The following EHD4 variants were observed in gnomAD, a reference collection of about 807,000 sequenced individuals.
The protein encoded by EHD4 is EH domain-containing protein 4.
In EHD4, 37 loss-of-function variants were observed where a neutral mutation model predicts 51.0. The ratio of observed to expected loss-of-function variants is 0.73; its 90% CI spans 0.56 to 0.95. EHD4 has a LOEUF of 0.95. Among genes scored for constraint, EHD4 ranks in the 40% least tolerant of loss-of-function variants. The pLI is 0.00. For synonymous variants in EHD4, 297 were observed against 317.3 expected, an observed-to-expected ratio of 0.94 and a Z score of 0.68; for missense variants, 632 against 733.1, an observed-to-expected ratio of 0.86 and a Z score of 1.59.
chr15:41,943,348 C>T (rs1191035719), intron 2 of EHD4, among the ~76,000 whole-genome samples, 184 bp from the exon 3 acceptor site: 1 of 152,142 alleles, frequency 6.6e-6, no homozygotes, highest in Non-Finnish European at 1.5e-5. Context: ...AGATTGATAG[C>T]ACCTCCATCC....
In EHD4 at chr15:41,919,264, C is replaced by T; in HGVS notation, c.870G>A (p.Gln290=). Residue 290 remains glutamine (Q), a synonymous_variant, in exon 4 of 6, where the codon CAG becomes CAA. Transcript: ENST00000220325. ...DLFRDIQSLP[Q]KAAVRKLNDL... ...CGTTGAGCTTGCGCACCGCTGCCTT[C>T]TGGGGGAGGCTCTGGATGTCTCTAA... 10 of 1,614,154 alleles carry T rather than the reference C, an allele frequency of 6.2e-6. No individual in the cohort carries two copies. Among genetic ancestry groups the T allele is most frequent in the Non-Finnish European group, 8.5e-6 (10 of 1,180,046 alleles).
chr15:41,972,355 T>C lies in EHD4; in HGVS notation c.140A>G (p.Glu47Gly), dbSNP rs745610526. 5 of 1,611,290 alleles carry C rather than the reference T, an allele frequency of 3.1e-6. No homozygotes were observed. The African/African-American group carries it at 4.0e-5, about 13-fold the overall frequency. The change falls in exon 1 of 6, where the codon GAG becomes GGG. Residue 47 changes from glutamate to glycine, a missense_variant. Glu to Gly is a moderately conservative substitution (Grantham distance 98). Coordinates refer to ENST00000220325, the MANE Select transcript of EHD4 (RefSeq NM_139265.4). ...GTCCTCCAGCGCAGGCGAGTGGAACTCGTGGAAGCGGTACGCCTCCTCCAG... is the reference window on the plus strand; with the variant it reads ...GTCCTCCAGCGCAGGCGAGTGGAACCCGTGGAAGCGGTACGCCTCCTCCAG... Reference protein sequence around the residue: ...LPLEEAYRFHEFHSPALEDAD... With the variant: ...LPLEEAYRFHGFHSPALEDAD...
chr15:41,967,229 T>C (rs1312715343), intron 1 of EHD4, among the ~76,000 whole-genome samples: 1 of 152,166 alleles, frequency 6.6e-6, no homozygotes, highest in Non-Finnish European at 1.5e-5. Flanking sequence ...TCTCTGCTCA[T>C]TCCTCAGGGC....
chr15:41,956,324 A>G (rs550808992), intron 1 of EHD4, among the ~76,000 whole-genome samples: 1 of 150,798 alleles, frequency 6.6e-6, no homozygotes, highest in African/African-American at 2.4e-5. Flanking sequence ...GGCCAGGAGG[A>G]GGCCCTTCAG....
chr15:41,926,146 C>G (rs1049615910), intron 3 of EHD4: 13 of 152,162 alleles, frequency 8.5e-5, no homozygotes, highest in African/African-American at 3.1e-4. Flanking sequence ...TACTTGAGCT[C>G]AGGAGTTTGA....
intron 1 of EHD4, among the ~76,000 whole-genome samples, chr15:41,957,672 G>A (rs2067896492): frequency 6.6e-6 from 1 of 152,150 alleles, no homozygotes; most frequent in African/African-American, 2.4e-5. Flanking sequence ...CCATCACCCT[G>A]GGGTCCTACA....
intron 3 of EHD4, among the ~76,000 whole-genome samples, chr15:41,933,131 G>A (rs553271825): frequency 1.2e-4 from 18 of 152,214 alleles, no homozygotes; most frequent in South Asian, 4.1e-4. Flanking sequence ...CCACAGGAGT[G>A]TGCCTGCATC....
intron 2 of EHD4, among the ~76,000 whole-genome samples, chr15:41,951,553 G>A (rs765302677): frequency 2.0e-5 from 3 of 151,888 alleles, no homozygotes; most frequent in Non-Finnish European, 4.4e-5. Flanking sequence ...TCTCCCTTGT[G>A]AATTCAGACT....
At chr15:41,948,683 C>CT in intron 2 of EHD4, among the ~76,000 whole-genome samples, 1 of 152,248 alleles carries the variant, frequency 6.6e-6, no homozygotes, top group South Asian at 2.1e-4. Flanking sequence ...ATGCTGTGAA[C>CT]TTTAGTAAGT....
rs191715249 is a variant in EHD4, at chr15:41,970,035, C to T, written c.236+2224G>A. Among the ~76,000 whole-genome samples, 160 of 152,314 alleles carry T rather than the reference C, an allele frequency of 1.1e-3. 1 individual carries two copies. The highest frequency in any genetic ancestry group is 3.7e-3 in the African/African-American group (152 of 41,564). ...CTAAGGCAGGATCCAGGATGCTCAG[C>T]ACCCTGGGCCAACCCTTCCGCTCAA... On this transcript the variant is annotated intron_variant, in intron 1 of 5. Coordinates refer to ENST00000220325, the MANE Select transcript of EHD4 (RefSeq NM_139265.4).
At chr15:41,964,970 C>T (rs1480305866) in intron 1 of EHD4, among the ~76,000 whole-genome samples, 1 of 152,010 alleles carries the variant, frequency 6.6e-6, no homozygotes, top group African/African-American at 2.4e-5. Context: ...ATGGGGCTCA[C>T]CATGTTGCCC....
At chr15:41,924,350 C>A (rs28396848) in intron 3 of EHD4, among the ~76,000 whole-genome samples, 28,622 of 152,212 alleles carry the variant, frequency 0.19, 2,931 homozygotes, top group Middle Eastern at 0.38. Context: ...CCATCACTTA[C>A]TAATTCTGCG....
At chr15:41,922,519 C>T (rs559843014) in intron 3 of EHD4, among the ~76,000 whole-genome samples, 1 of 152,346 alleles carries the variant, frequency 6.6e-6, no homozygotes, top group Non-Finnish European at 1.5e-5. Flanking sequence ...AACACAGCTG[C>T]TGCTGCTAGC....
chr15:41,945,241 CA>C (rs2067803884), intron 2 of EHD4, among the ~76,000 whole-genome samples: 1 of 152,228 alleles, frequency 6.6e-6, no homozygotes, highest in Admixed American at 6.5e-5. Flanking sequence ...AGCTCACACT[CA>C]ATATCCATTT....
intron 5 of EHD4, among the ~76,000 whole-genome samples, chr15:41,905,818 A>C (rs556895847): frequency 6.3e-4 from 96 of 152,298 alleles, no homozygotes; most frequent in Non-Finnish European, 1.2e-3. Context: ...CACAGGCATG[A>C]GCCAACCACA....
intron 3 of EHD4, among the ~76,000 whole-genome samples, chr15:41,920,633 A>G (rs2067618583): frequency 6.6e-6 from 1 of 152,254 alleles, no homozygotes; most frequent in African/African-American, 2.4e-5. Flanking sequence ...TACCTACCAC[A>G]TAATTTTAAC....
chr15:41,951,472 A>ATT (rs796478072), intron 2 of EHD4, among the ~76,000 whole-genome samples: 7 of 146,164 alleles, frequency 4.8e-5, no homozygotes, highest in African/African-American at 1.5e-4. Flanking sequence ...AGAAAAAAAC[A>ATT]TTTTTTTTTT....
chr15:41,930,151 G>A (rs2067688858), intron 3 of EHD4, among the ~76,000 whole-genome samples: 1 of 152,188 alleles, frequency 6.6e-6, no homozygotes, highest in African/African-American at 2.4e-5. Flanking sequence ...AGGAAGGGTT[G>A]TGGAATGTAT....
chr15:41,913,899 A>G (rs2067565772), intron 4 of EHD4, among the ~76,000 whole-genome samples: 1 of 152,220 alleles, frequency 6.6e-6, no homozygotes, highest in Non-Finnish European at 1.5e-5. Context: ...GGGAAATCAA[A>G]TGGATCAAAA....
Sources: gnomAD v4.1 joint callset for allele counts (sites outside exome capture counted in the v4.1 genomes callset) on GRCh38, gnomAD v4.1.1 for gene constraint, MANE v1.5 for transcripts, NCBI Gene and HGNC (gene_info 2026-07-23, HGNC 2026-07-21) for gene names.